Variants in CNTN5 observed in about 807,000 individuals in gnomAD.
The protein encoded by CNTN5 is contactin-5.
In CNTN5, 77 loss-of-function variants were observed where a neutral mutation model predicts 129.1. That is an observed-to-expected ratio of 0.60 (90% CI 0.50 to 0.72). The LOEUF (loss-of-function observed/expected upper bound fraction) is 0.72, where lower values mean the gene tolerates loss of function less well. CNTN5 is among the 30% of genes least tolerant of loss of function. The pLI, the probability that CNTN5 is intolerant of heterozygous loss-of-function variation, is 0.00. For synonymous variants in CNTN5, 509 were observed against 465.6 expected (o/e 1.09, Z -1.20); for missense variants, 1,478 against 1,328.8 (o/e 1.11, Z -1.75).
At chr11:99,971,918 A>G (rs895790922) in intron 8 of CNTN5, among the ~76,000 whole-genome samples, 2 of 150,960 alleles carry the variant, frequency 1.3e-5, no homozygotes, top group Non-Finnish European at 2.9e-5. Context: ...ATCCCCAAAC[A>G]TTTGTATCAG....
chr11:99,337,755 G>T (rs1866297786), intron 2 of CNTN5, among the ~76,000 whole-genome samples: 1 of 152,006 alleles, frequency 6.6e-6, no homozygotes, highest in African/African-American at 2.4e-5. Flanking sequence ...ATTTTTCCGG[G>T]ACTATCTATT....
At chr11:99,219,774 G>C (rs183472888) in intron 1 of CNTN5, among the ~76,000 whole-genome samples, 1 of 151,878 alleles carries the variant, frequency 6.6e-6, no homozygotes, top group African/African-American at 2.4e-5. Flanking sequence ...GAGGGTAGAG[G>C]GTATGGGGAA....
intron 3 of CNTN5, among the ~76,000 whole-genome samples, chr11:99,704,170 C>G (rs148486173): frequency 1.3e-5 from 2 of 150,800 alleles, no homozygotes; most frequent in African/African-American, 4.8e-5. Context: ...ACTCTGAGTT[C>G]TATACTGTTT....
intron 16 of CNTN5, among the ~76,000 whole-genome samples, chr11:100,235,282 T>G (rs1333809447): frequency 6.6e-6 from 1 of 152,176 alleles, no homozygotes; most frequent in Non-Finnish European, 1.5e-5. Context: ...TTGGCGTGCC[T>G]TTTGAATACT....
At chr11:99,385,348 T>G (rs978899098) in intron 2 of CNTN5, among the ~76,000 whole-genome samples, 1 of 151,998 alleles carries the variant, frequency 6.6e-6, no homozygotes, top group African/African-American at 2.4e-5. Context: ...TCAAAAGTAA[T>G]GTAATCCAGC....
At chr11:100,077,887 C>G (rs990962127) in intron 13 of CNTN5, among the ~76,000 whole-genome samples, 1 of 151,746 alleles carries the variant, frequency 6.6e-6, no homozygotes, top group African/African-American at 2.4e-5. Context: ...AAACAAAATA[C>G]GTCAATTGCT....
intron 15 of CNTN5, among the ~76,000 whole-genome samples, chr11:100,197,233 T>C (rs80183621): frequency 0.046 from 6,991 of 151,964 alleles, 245 homozygotes; most frequent in Middle Eastern, 0.15. Context: ...AGACAATAAG[T>C]CACTGTTTGT....
intron 2 of CNTN5, among the ~76,000 whole-genome samples, chr11:99,415,799 C>T (rs191994335): frequency 2.3e-3 from 345 of 152,202 alleles, no homozygotes; most frequent in African/African-American, 6.9e-3. Flanking sequence ...TTTCCATTAA[C>T]GTAACTTGCA....
chr11:99,780,176 T>C (rs765104352), intron 3 of CNTN5, among the ~76,000 whole-genome samples: 3 of 151,878 alleles, frequency 2.0e-5, no homozygotes, highest in Non-Finnish European at 2.9e-5. Flanking sequence ...CCTTCTTAGT[T>C]TTTTTCCCCC....
chr11:100,213,376 C>T (rs1056098901), intron 15 of CNTN5, among the ~76,000 whole-genome samples: 1 of 152,156 alleles, frequency 6.6e-6, no homozygotes, highest in Non-Finnish European at 1.5e-5. Flanking sequence ...CAATAATCTA[C>T]AGGGTCTCTT....
intron 1 of CNTN5, among the ~76,000 whole-genome samples, chr11:99,271,891 G>A (rs1219213979): frequency 1.3e-5 from 2 of 151,762 alleles, no homozygotes; most frequent in African/African-American, 4.8e-5. Flanking sequence ...ACCTACCTTC[G>A]GAAGTCACAC....
chr11:99,997,478 A>T lies in CNTN5; in HGVS notation c.878-4556A>T, dbSNP rs188710608. Among the ~76,000 whole-genome samples, 261 of 152,332 alleles carry T rather than the reference A, an allele frequency of 1.7e-3. 2 individuals carry two copies. The highest frequency in any genetic ancestry group is 3.2e-3 in the Non-Finnish European group (220 of 68,020). ...AGGAAGAAGTTGAATCTCTGAATAG[A>T]CCAACAACAGGAGCTGCAATTGTGG... On this transcript the variant is annotated intron_variant, in intron 8 of 24. Coordinates refer to ENST00000524871, the MANE Select transcript of CNTN5 (RefSeq NM_014361.4).
intron 3 of CNTN5, among the ~76,000 whole-genome samples, chr11:99,739,384 A>G (rs967684425): frequency 6.6e-6 from 1 of 152,134 alleles, no homozygotes; most frequent in African/African-American, 2.4e-5. Context: ...CATAGTAGGG[A>G]AAGTGTGAAA....
chr11:100,301,549 G>A (rs1951220386), intron 20 of CNTN5, among the ~76,000 whole-genome samples: 1 of 151,542 alleles, frequency 6.6e-6, no homozygotes. Flanking sequence ...ATTAAATCTG[G>A]ATAGAGTCCT....
intron 2 of CNTN5, among the ~76,000 whole-genome samples, chr11:99,438,912 C>T (rs779917142): frequency 7.2e-5 from 11 of 152,148 alleles, no homozygotes; most frequent in Non-Finnish European, 1.3e-4. Flanking sequence ...GTGTGCAAGT[C>T]TTCGATGATG....
chr11:99,418,379 G>A (rs370840213), intron 2 of CNTN5, among the ~76,000 whole-genome samples: 91 of 152,066 alleles, frequency 6.0e-4, no homozygotes, highest in African/African-American at 1.9e-3. Context: ...AGATCCATAG[G>A]CAAGAAAAGA....
chr11:99,225,532 G>A (rs17133286), intron 1 of CNTN5, among the ~76,000 whole-genome samples: 2,677 of 152,058 alleles, frequency 0.018, 44 homozygotes, highest in African/African-American at 0.038. Context: ...TGAGAAATCC[G>A]CCTATCTGTT....
chr11:99,028,339 G>T (rs1438804202), intron 1 of CNTN5, among the ~76,000 whole-genome samples: 2 of 151,774 alleles, frequency 1.3e-5, no homozygotes, highest in African/African-American at 2.4e-5. Flanking sequence ...TACAAAGGAA[G>T]AATATAAAAG....
intron 3 of CNTN5, among the ~76,000 whole-genome samples, chr11:99,703,509 T>A (rs998291754): frequency 6.6e-6 from 1 of 150,788 alleles, no homozygotes; most frequent in African/African-American, 2.4e-5. Flanking sequence ...TGAATAAAAT[T>A]ATTTATATGT....
Sources: gnomAD v4.1 joint callset for allele counts (sites outside exome capture counted in the v4.1 genomes callset) on GRCh38, gnomAD v4.1.1 for gene constraint, MANE v1.5 for transcripts, NCBI Gene and HGNC (gene_info 2026-07-23, HGNC 2026-07-21) for gene names.